Variants in PTPN20 observed in about 807,000 individuals in gnomAD.
PTPN20 encodes protein tyrosine phosphatase non-receptor type 20, also known as tyrosine-protein phosphatase non-receptor type 20.
In PTPN20, 9 loss-of-function variants were observed where a neutral mutation model predicts 35.0. That is an observed-to-expected ratio of 0.26 (90% confidence interval 0.15 to 0.45). The LOEUF is 0.45. Ranked by LOEUF, PTPN20 falls within the 20% of genes least tolerant of loss-of-function variation. The pLI, the probability that PTPN20 is intolerant of heterozygous loss-of-function variation, is 1.00. For synonymous variants in PTPN20, 32 were observed against 100.2 expected, an observed-to-expected ratio of 0.32 and a Z score of 4.06; for missense variants, 111 against 312.5, an observed-to-expected ratio of 0.36 and a Z score of 4.86.
intron 7 of PTPN20, among the ~76,000 whole-genome samples, chr10:46,970,620 A>G (rs1295747510): frequency 2.6e-5 from 4 of 151,354 alleles, no homozygotes; most frequent in African/African-American, 4.9e-5. Flanking sequence ...CTGACCAGGG[A>G]CATGCTGACA....
intron 5 of PTPN20, among the ~76,000 whole-genome samples, chr10:46,959,190 G>T (rs1399021996): frequency 1.6e-5 from 2 of 124,200 alleles, no homozygotes; most frequent in African/African-American, 6.3e-5. Context: ...TTGTTACTAG[G>T]CGTGTAAATG....
At chr10:46,940,490 A>G in intron 2 of PTPN20, 133 bp from the exon 3 acceptor site, 1 of 917,426 alleles carries the variant, frequency 1.1e-6, no homozygotes, top group Non-Finnish European at 1.8e-6. Context: ...GGAGATAAAG[A>G]TGGGGTGTTT....
Position 46,946,981 on chromosome 10 carries a change from A to G in PTPN20, c.340+306A>G, listed in dbSNP as rs1270658394. On this transcript the variant is annotated intron_variant, in intron 5 of 10. Transcript: ENST00000374339. ...GATTTGAAAAATAACCTGCTTCCTTATTTCCTTTTTAAAAATTTGTTGCAC... is the reference window on the plus strand; with the variant it reads ...GATTTGAAAAATAACCTGCTTCCTTGTTTCCTTTTTAAAAATTTGTTGCAC... 6.3e-4 allele frequency: 215 copies of G among 342,678 alleles called. 3 individuals are homozygous for G. The East Asian group carries it at 0.016, about 26-fold the overall frequency. The allele number at this position is 342,678 out of a possible 1,614,324, so 21.2% of individuals were successfully genotyped here. A position where few individuals can be genotyped will look rare whatever the true frequency, so the allele number is the denominator to read the frequency against.
chr10:46,977,445 TC>T (rs1473757337), intron 7 of PTPN20, among the ~76,000 whole-genome samples: 2 of 152,294 alleles, frequency 1.3e-5, no homozygotes, highest in Non-Finnish European at 2.9e-5. Flanking sequence ...ATGAATTACT[TC>T]CCTAATCTGA....
Position 47,001,107 on chromosome 10 carries a change from T to C in PTPN20, c.*366T>C. ...AAGGTGGCTGGAGAGAGCTGAGGAT[T>C]TCCAGGACTTTGTAAGTTCTTATTC... On this transcript the variant is annotated 3_prime_UTR_variant, in exon 11 of 11. Transcript: ENST00000374339. The C allele has an allele frequency of 3.6e-6, 1 of 280,028 alleles. No homozygotes were observed. The highest frequency in any genetic ancestry group is 6.8e-6 in the Non-Finnish European group (1 of 147,384). 17.3% of individuals were successfully genotyped at this position (280,028 alleles called of 1,614,324 possible). A position where few individuals can be genotyped will look rare whatever the true frequency, so the allele number is the denominator to read the frequency against.
At chr10:46,935,923 A>G (rs1487374091) in intron 2 of PTPN20, among the ~76,000 whole-genome samples, 5 of 151,448 alleles carry the variant, frequency 3.3e-5, no homozygotes, top group East Asian at 2.0e-4. Context: ...TCAGCAGTGT[A>G]TAAGTGTTCC....
At position 47,001,199 on chromosome 10, in the gene PTPN20, T is replaced by C. The variant is rs2060000702; in HGVS notation, c.*458T>C. ...TTTTTAAGACAGATGTCTATTCATG[T>C]TCTTTAGCTAGAGCCTGTACTTTTT... On this transcript the variant is annotated 3_prime_UTR_variant, in exon 11 of 11. Coordinates refer to ENST00000374339, the MANE Select transcript of PTPN20 (RefSeq NM_001042357.5). The C allele has an allele frequency of 2.1e-5, 4 of 188,670 alleles. No individual in the cohort carries two copies. Among genetic ancestry groups the C allele is most frequent in the East Asian group, 1.4e-4 (1 of 6,916 alleles). The allele number at this position is 188,670 out of a possible 1,614,324, so 11.7% of individuals were successfully genotyped here.
chr10:46,953,376 TTTCTTTCTTTCTTTCTTTC>T lies in PTPN20; in HGVS notation c.340+6704_340+6722del, dbSNP rs1403345293. ...CTTTCTTTCTTTCTTTCTTTCTTTC[TTTCTTTCTTTCTTTCTTTC>T]TTTTTTTTTGACTTACTAACTTATT... On this transcript the variant is annotated intron_variant, in intron 5 of 10. Coordinates refer to ENST00000374339, the MANE Select transcript of PTPN20 (RefSeq NM_001042357.5). Among the ~76,000 whole-genome samples, 50 of 143,136 alleles carry T rather than the reference TTTCTTTCTTTCTTTCTTTC, an allele frequency of 3.5e-4. 2 individuals carry two copies. Among genetic ancestry groups the T allele is most frequent in the African/African-American group, 1.3e-3 (46 of 34,116 alleles). The allele number at this position is 143,136 out of a possible 152,430, so 93.9% of individuals were successfully genotyped here.
At chr10:46,918,547 T>G (rs2033847414) in intron 1 of PTPN20, among the ~76,000 whole-genome samples, 1 of 107,724 alleles carries the variant, frequency 9.3e-6, no homozygotes. Flanking sequence ...TCAGCACTGT[T>G]TTAGCTGCAT....
At chr10:46,970,686 A>G (rs1486923411) in intron 7 of PTPN20, among the ~76,000 whole-genome samples, 1 of 149,272 alleles carries the variant, frequency 6.7e-6, no homozygotes, top group Non-Finnish European at 1.5e-5. Flanking sequence ...TGGAAGGGGA[A>G]CTTACCGACA....
intron 1 of PTPN20, among the ~76,000 whole-genome samples, chr10:46,930,189 A>C (rs1202274609): frequency 1.1e-4 from 15 of 139,276 alleles, no homozygotes; most frequent in Middle Eastern, 3.5e-3. Flanking sequence ...TATGAATTTT[A>C]GTCTATTCAT....
chr10:46,964,527 G>A (rs1384845319), intron 5 of PTPN20, among the ~76,000 whole-genome samples: 20 of 146,426 alleles, frequency 1.4e-4, no homozygotes, highest in African/African-American at 3.0e-4. Context: ...ACGTGTGTGC[G>A]TTCATGTTCA....
chr10:46,995,404 G>A lies in PTPN20; in HGVS notation c.1135-4508G>A, dbSNP rs1372414878. 5.5e-5 allele frequency among the ~76,000 whole-genome samples: 7 copies of A among 127,406 alleles called. No homozygotes were observed. The South Asian group carries it at 8.0e-4, about 15-fold the overall frequency. 83.6% of individuals were successfully genotyped at this position (127,406 alleles called of 152,430 possible). A position where few individuals can be genotyped will look rare whatever the true frequency, so the allele number is the denominator to read the frequency against. On this transcript the variant is annotated intron_variant, in intron 9 of 10. Coordinates refer to ENST00000374339, the MANE Select transcript of PTPN20 (RefSeq NM_001042357.5). The stretch of plus-strand genomic sequence containing the variant: ...TTTTTGGCACTAGATGTCACCTTAC[G>A]ACCAAGTTTGCCTTGGCTCCAGTAA...
chr10:46,935,443 T>C (rs1424976016), intron 2 of PTPN20, among the ~76,000 whole-genome samples: 1,639 of 123,802 alleles, frequency 0.013, no homozygotes, highest in Non-Finnish European at 0.02. Flanking sequence ...GCAATTCTTC[T>C]GCCTCAGCCT....
intron 10 of PTPN20, 122 bp from the exon 11 acceptor site, chr10:47,000,554 T>C (rs2059924489): frequency 9.1e-7 from 1 of 1,102,952 alleles, no homozygotes; most frequent in Non-Finnish European, 1.3e-6. Context: ...TGTTTATAGT[T>C]AAATGTTTGC....
chr10:46,934,299 GT>G (rs2040693057), intron 2 of PTPN20, among the ~76,000 whole-genome samples: 28 of 123,756 alleles, frequency 2.3e-4, no homozygotes, highest in East Asian at 2.6e-4. Flanking sequence ...AGTTCTAAGA[GT>G]TTTTTGGTGG....
In PTPN20 at chr10:47,000,983, CA is replaced by C; in HGVS notation, c.*243del. ...TAACTTCCCACATTTTCCAGTGAAA[CA>C]GATGTTACATAAAACGATTGCAGCT... On this transcript the variant is annotated 3_prime_UTR_variant, in exon 11 of 11. Transcript: ENST00000374339. 1 of 574,392 alleles carries C rather than the reference CA, an allele frequency of 1.7e-6. No individual in the cohort carries two copies. The allele number at this position is 574,392 out of a possible 1,614,324, so 35.6% of individuals were successfully genotyped here. A position where few individuals can be genotyped will look rare whatever the true frequency, so the allele number is the denominator to read the frequency against.
rs1304668376 is a variant in PTPN20, at chr10:47,002,089, T to G, written c.*1348T>G. The G allele has an allele frequency of 1.3e-5, 2 of 152,102 alleles. No individual in the cohort carries two copies. The highest frequency in any genetic ancestry group is 2.9e-5 in the Non-Finnish European group (2 of 67,938). The allele number at this position is 152,102 out of a possible 1,614,324, so 9.4% of individuals were successfully genotyped here. A position where few individuals can be genotyped will look rare whatever the true frequency, so the allele number is the denominator to read the frequency against. ...TGGTTGAATAATTAATAATTCTCAT[T>G]GTAAAAATAATTATATGCCAAAAAT... On this transcript the variant is annotated 3_prime_UTR_variant, in exon 11 of 11. Coordinates refer to ENST00000374339, the MANE Select transcript of PTPN20 (RefSeq NM_001042357.5).
chr10:46,967,362 A>G (rs1396211183), intron 6 of PTPN20, among the ~76,000 whole-genome samples: 1 of 94,454 alleles, frequency 1.1e-5, no homozygotes, highest in Non-Finnish European at 1.9e-5. Context: ...TACTCTGTTC[A>G]CTCCTTAAGG....
Sources: gnomAD v4.1 joint callset for allele counts (sites outside exome capture counted in the v4.1 genomes callset) on GRCh38, gnomAD v4.1.1 for gene constraint, MANE v1.5 for transcripts, NCBI Gene and HGNC (gene_info 2026-07-23, HGNC 2026-07-21) for gene names.